The following CDCA2 variants were observed in gnomAD, a reference collection of about 807,000 sequenced individuals.
CDCA2 encodes the protein cell division cycle associated 2, also known as cell division cycle-associated protein 2.
A neutral mutation model predicts 67.0 loss-of-function variants in CDCA2; 44 were observed. That is an observed-to-expected ratio of 0.66 (90% CI 0.52 to 0.84). CDCA2 has a LOEUF of 0.84. CDCA2 is among the 40% of genes least tolerant of loss of function. The probability of loss-of-function intolerance (pLI) is 0.00; values close to 1 mark genes in which losing one functional copy is unlikely to be tolerated. For missense variants in CDCA2, 1,253 were observed against 1,203.2 expected (o/e 1.04, Z -0.61); for synonymous variants, 447 against 418.7 (o/e 1.07, Z -0.82).
chr8:25,465,344 A>AT, intron 4 of CDCA2, among the ~76,000 whole-genome samples: 1 of 151,670 alleles, frequency 6.6e-6, no homozygotes, highest in South Asian at 2.1e-4. Flanking sequence ...ATTTTTAAAC[A>AT]TTGCCACAAA....
At chr8:25,479,029 G>A (rs1179340330) in intron 7 of CDCA2, among the ~76,000 whole-genome samples, 1 of 151,834 alleles carries the variant, frequency 6.6e-6, no homozygotes, top group South Asian at 2.1e-4. Flanking sequence ...GCATAGCTAC[G>A]ATATATTAAT....
At chr8:25,466,649 T>G (rs1202496969) in intron 5 of CDCA2, among the ~76,000 whole-genome samples, 1 of 152,210 alleles carries the variant, frequency 6.6e-6, no homozygotes, top group African/African-American at 2.4e-5. Context: ...CAAATCTTGA[T>G]TTTTACAGGA....
At position 25,507,222 on chromosome 8, in the gene CDCA2, ATCC is replaced by A; in HGVS notation, c.2560_2562del (p.Ser855del). The A allele has an allele frequency of 6.2e-7, 1 of 1,614,194 alleles. No homozygotes were observed. The highest frequency in any genetic ancestry group is 8.5e-7 in the Non-Finnish European group (1 of 1,180,034). ...TGGAAAAAAATGGAAATCACACACC[ATCC>A]TCCAGTGTGGGCAGCTCTGTAGAAA... On this transcript the variant is annotated inframe_deletion, in exon 15 of 15. Transcript: ENST00000330560.
intron 4 of CDCA2, among the ~76,000 whole-genome samples, chr8:25,464,197 C>T (rs4871943): frequency 0.96 from 146,427 of 152,326 alleles, 70,618 homozygotes; most frequent in East Asian, 1. Context: ...GAGGATCGTT[C>T]GAAGCCAGGA....
intron 14 of CDCA2, among the ~76,000 whole-genome samples, chr8:25,504,612 G>A (rs1026189551): frequency 8.5e-5 from 13 of 152,130 alleles, no homozygotes; most frequent in South Asian, 4.1e-4. Context: ...TGGCTTCTGC[G>A]TCCTGCTTAA....
chr8:25,460,568 T>A lies in CDCA2; in HGVS notation c.232+14T>A. 2 of 1,605,986 alleles carry A rather than the reference T, an allele frequency of 1.2e-6. No individual in the cohort carries two copies. The highest frequency in any genetic ancestry group is 2.2e-5 in the South Asian group (2 of 89,662). ...GGAACTCTGCAGGTAAGAAAAGTTG[T>A]CATTCTGTTGTAATGCTTTTCAAGT... On this transcript the variant is annotated intron_variant, in intron 3 of 14. Coordinates refer to ENST00000330560, the MANE Select transcript of CDCA2 (RefSeq NM_152562.4).
chr8:25,484,101 C>G lies in CDCA2; in HGVS notation c.1256C>G (p.Thr419Arg). 1 of 1,614,142 alleles carries G rather than the reference C, an allele frequency of 6.2e-7. No individual in the cohort carries two copies. The highest frequency in any genetic ancestry group is 8.5e-7 in the Non-Finnish European group (1 of 1,180,030). ...AATACTCCATTGCGTAAAGGAGGAA[C>G]ACCTGTTTGTAAAAAAGACTTCAGT... ...PANTPLRKGG[T>R]PVCKKDFSGL... The change falls in exon 10 of 15, where the codon ACA becomes AGA. Residue 419 changes from threonine (T) to arginine (R), a missense_variant. Physicochemically the swap from Thr to Arg is moderately conservative, Grantham distance 71 (BLOSUM62 -1). Coordinates refer to ENST00000330560, the MANE Select transcript of CDCA2 (RefSeq NM_152562.4).
chr8:25,494,874 G>A (rs1804152511), intron 13 of CDCA2, among the ~76,000 whole-genome samples: 1 of 151,730 alleles, frequency 6.6e-6, no homozygotes, highest in Non-Finnish European at 1.5e-5. Context: ...CACCAGGGAC[G>A]AGTGTGCATT....
At chr8:25,504,738 C>T (rs1246164564) in intron 14 of CDCA2, among the ~76,000 whole-genome samples, 2 of 152,190 alleles carry the variant, frequency 1.3e-5, no homozygotes, top group African/African-American at 4.8e-5. Flanking sequence ...GGGCATCCAC[C>T]ACTCTACCTT....
intron 3 of CDCA2, among the ~76,000 whole-genome samples, chr8:25,460,964 C>T (rs1802660034): frequency 1.3e-5 from 2 of 152,014 alleles, no homozygotes. Context: ...CAGGATGTAC[C>T]TCCTTTAACA....
At chr8:25,496,589 C>T (rs2117540813) in intron 13 of CDCA2, among the ~76,000 whole-genome samples, 1 of 152,254 alleles carries the variant, frequency 6.6e-6, no homozygotes, top group East Asian at 1.9e-4. Flanking sequence ...GAAACTCAAA[C>T]AGCTCATTAG....
intron 10 of CDCA2, 125 bp from the exon 11 acceptor site, chr8:25,485,634 T>A: frequency 5.9e-6 from 3 of 511,694 alleles, no homozygotes; most frequent in Non-Finnish European, 1.0e-5. Flanking sequence ...GAATCTTTTA[T>A]TGATTACCCA....
intron 13 of CDCA2, among the ~76,000 whole-genome samples, chr8:25,494,253 A>G (rs1214035204): frequency 1.3e-5 from 2 of 152,140 alleles, no homozygotes; most frequent in Admixed American, 6.5e-5. Context: ...TGAGGCCAGT[A>G]GTGCGAGACC....
chr8:25,489,449 C>T (rs1803915672), intron 13 of CDCA2, among the ~76,000 whole-genome samples: 1 of 152,162 alleles, frequency 6.6e-6, no homozygotes, highest in African/African-American at 2.4e-5. Flanking sequence ...TGTCAGGAAT[C>T]TCAATTCCGG....
chr8:25,491,145 A>G (rs1266592578), intron 13 of CDCA2, among the ~76,000 whole-genome samples: 2 of 152,198 alleles, frequency 1.3e-5, no homozygotes, highest in Non-Finnish European at 2.9e-5. Flanking sequence ...AAAGTTAAGG[A>G]AAGTCTCCCA....
intron 12 of CDCA2, among the ~76,000 whole-genome samples, chr8:25,487,699 C>T (rs1441228652): frequency 2.0e-5 from 3 of 151,942 alleles, no homozygotes; most frequent in East Asian, 1.9e-4. Flanking sequence ...GCCGAGATGG[C>T]GCCACTGCAC....
intron 13 of CDCA2, among the ~76,000 whole-genome samples, chr8:25,490,253 T>A (rs907239828): frequency 6.6e-6 from 1 of 152,036 alleles, no homozygotes; most frequent in African/African-American, 2.4e-5. Context: ...TATACACCTA[T>A]TCATATAAAA....
In CDCA2 at chr8:25,483,950, T is replaced by C. The variant is rs1803664642; in HGVS notation, c.1121-16T>C. On this transcript the variant is annotated splice_polypyrimidine_tract_variant and intron_variant, in intron 9 of 14. Coordinates refer to ENST00000330560, the MANE Select transcript of CDCA2 (RefSeq NM_152562.4). ...GCTTAATTTTTAAGTTACTCTCATT[T>C]ATTGTCTAATTATAGAAGATGAAGA... 1 of 1,602,046 alleles carries C rather than the reference T, an allele frequency of 6.2e-7. No individual in the cohort carries two copies. Among genetic ancestry groups the C allele is most frequent in the African/African-American group, 1.3e-5 (1 of 74,466 alleles).
At chr8:25,468,562 T>TGTGTGCATGC (rs1378150629) in intron 6 of CDCA2, 149 bp downstream of exon 6, 64 of 452,800 alleles carry the variant, frequency 1.4e-4, no homozygotes, top group Non-Finnish European at 2.1e-4. Flanking sequence ...TGTGTGCGTG[T>TGTGTGCATGC]GTGTGTGTGT....
Sources: gnomAD v4.1 joint callset for allele counts (sites outside exome capture counted in the v4.1 genomes callset) on GRCh38, gnomAD v4.1.1 for gene constraint, MANE v1.5 for transcripts, NCBI Gene and HGNC (gene_info 2026-07-23, HGNC 2026-07-21) for gene names.